The following PTPRD variants were observed in gnomAD, a reference collection of about 807,000 sequenced individuals.
The protein encoded by PTPRD is receptor-type tyrosine-protein phosphatase delta.
PTPRD carries 34 observed loss-of-function variants against 214.5 expected under a neutral mutation model. That is an observed-to-expected ratio of 0.16 (90% CI 0.12 to 0.21). The LOEUF (loss-of-function observed/expected upper bound fraction) is 0.21. PTPRD is among the 10% of genes least tolerant of loss of function. PTPRD has a pLI of 1.00. For missense variants in PTPRD, 2,545 were observed against 2,398.7 expected, an observed-to-expected ratio of 1.06 and a Z score of -1.27; for synonymous variants, 1,128 against 845.7, an observed-to-expected ratio of 1.33 and a Z score of -5.79.
At chr9:9,016,845 A>G (rs1019091536) in intron 11 of PTPRD, among the ~76,000 whole-genome samples, 4 of 152,098 alleles carry the variant, frequency 2.6e-5, no homozygotes, top group Non-Finnish European at 4.4e-5. Flanking sequence ...TACCGTAGCA[A>G]TCCTGTCACT....
intron 7 of PTPRD, among the ~76,000 whole-genome samples, chr9:9,673,082 A>G (rs559628562): frequency 2.0e-5 from 3 of 152,032 alleles, no homozygotes; most frequent in Non-Finnish European, 2.9e-5. Flanking sequence ...GGGACACTTC[A>G]CTAGGCTGAC....
chr9:10,582,527 G>C (rs1489155238), intron 2 of PTPRD, among the ~76,000 whole-genome samples: 1 of 151,884 alleles, frequency 6.6e-6, no homozygotes, highest in African/African-American at 2.4e-5. Context: ...TTTTCATTTA[G>C]CAAAAGCACA....
chr9:9,657,371 A>AT (rs1389013859), intron 7 of PTPRD, among the ~76,000 whole-genome samples: 1 of 152,142 alleles, frequency 6.6e-6, no homozygotes, highest in Non-Finnish European at 1.5e-5. Flanking sequence ...CAAACACCAC[A>AT]TATTCTCACT....
At chr9:9,300,010 A>G (rs781533351) in intron 9 of PTPRD, among the ~76,000 whole-genome samples, 3 of 149,376 alleles carry the variant, frequency 2.0e-5, no homozygotes, top group Non-Finnish European at 4.5e-5. Context: ...AAAGTTTGTT[A>G]CTGACACACA....
At chr9:8,570,634 G>C (rs772703354) in intron 14 of PTPRD, among the ~76,000 whole-genome samples, 7 of 152,034 alleles carry the variant, frequency 4.6e-5, no homozygotes, top group African/African-American at 1.7e-4. Flanking sequence ...GTGGCTATTT[G>C]TCAAAACTTA....
chr9:9,259,977 G>C (rs892243442), intron 9 of PTPRD, among the ~76,000 whole-genome samples: 10 of 151,906 alleles, frequency 6.6e-5, no homozygotes, highest in African/African-American at 9.7e-5. Flanking sequence ...TGAAAGGCGA[G>C]TAGGCCTCAA....
chr9:8,819,845 A>G (rs1313799372), intron 11 of PTPRD, among the ~76,000 whole-genome samples: 1 of 152,298 alleles, frequency 6.6e-6, no homozygotes, highest in East Asian at 1.9e-4. Context: ...ATCAGAGAGC[A>G]CAAAACGAGC....
intron 12 of PTPRD, among the ~76,000 whole-genome samples, chr9:8,708,375 T>C (rs1222150855): frequency 9.9e-5 from 15 of 151,840 alleles, no homozygotes; most frequent in Admixed American, 9.8e-4. Flanking sequence ...TCCTTAAATA[T>C]GAAAAATGAA....
At chr9:8,780,775 G>C (rs1008731773) in intron 11 of PTPRD, among the ~76,000 whole-genome samples, 2 of 152,100 alleles carry the variant, frequency 1.3e-5, no homozygotes, top group Non-Finnish European at 2.9e-5. Flanking sequence ...AAACAAATAA[G>C]TCATCCTTAA....
At chr9:10,418,993 T>A (rs2098520961) in intron 2 of PTPRD, among the ~76,000 whole-genome samples, 1 of 151,828 alleles carries the variant, frequency 6.6e-6, no homozygotes, top group Admixed American at 6.6e-5. Context: ...CAACTCTCAT[T>A]ACACTGGGCA....
chr9:10,376,243 GT>G (rs537639467), intron 2 of PTPRD, among the ~76,000 whole-genome samples: 15 of 149,862 alleles, frequency 1.0e-4, no homozygotes, highest in Admixed American at 8.7e-4. Context: ...TATGCTACCT[GT>G]TTTTTTTTCT....
intron 10 of PTPRD, among the ~76,000 whole-genome samples, chr9:9,072,411 C>A (rs1380648670): frequency 6.6e-6 from 1 of 151,816 alleles, no homozygotes; most frequent in Admixed American, 6.6e-5. Flanking sequence ...CATTTGGAAG[C>A]CAATGTTGTA....
At chr9:8,324,216 C>T (rs1194358161) in intron 44 of PTPRD, among the ~76,000 whole-genome samples, 3 of 151,840 alleles carry the variant, frequency 2.0e-5, no homozygotes, top group Non-Finnish European at 2.9e-5. Context: ...CCATCATCTA[C>T]ATTAGGTATA....
intron 7 of PTPRD, among the ~76,000 whole-genome samples, chr9:9,666,635 C>T (rs1251916767): frequency 6.6e-6 from 1 of 151,902 alleles, no homozygotes; most frequent in Non-Finnish European, 1.5e-5. Flanking sequence ...TCGATTCAAT[C>T]TCTATGTCTT....
At chr9:9,448,630 C>G (rs1372372538) in intron 8 of PTPRD, among the ~76,000 whole-genome samples, 1 of 152,000 alleles carries the variant, frequency 6.6e-6, no homozygotes, top group Admixed American at 6.6e-5. Flanking sequence ...GATAAGCATT[C>G]ACTGGATGCC....
At chr9:9,754,805 T>C (rs1185773672) in intron 6 of PTPRD, among the ~76,000 whole-genome samples, 1 of 152,032 alleles carries the variant, frequency 6.6e-6, no homozygotes, top group Non-Finnish European at 1.5e-5. Flanking sequence ...ATGTGATTGG[T>C]ATGCTGAATA....
intron 9 of PTPRD, among the ~76,000 whole-genome samples, chr9:9,326,284 C>A (rs1218285043): frequency 6.6e-6 from 1 of 151,988 alleles, no homozygotes; most frequent in Non-Finnish European, 1.5e-5. Flanking sequence ...AATGATAATT[C>A]ATGTGGATAA....
chr9:9,359,813 G>A (rs540526432), intron 9 of PTPRD, among the ~76,000 whole-genome samples: 3 of 151,294 alleles, frequency 2.0e-5, no homozygotes, highest in South Asian at 2.1e-4. Context: ...GCAGGTGTAC[G>A]GAGTGCCTGC....
chr9:8,584,309 T>C (rs1323941462), intron 14 of PTPRD, among the ~76,000 whole-genome samples: 1 of 152,152 alleles, frequency 6.6e-6, no homozygotes, highest in Non-Finnish European at 1.5e-5. Flanking sequence ...TATCTATAAA[T>C]ACGATGTCTT....
Sources: allele counts gnomAD v4.1 joint callset (sites outside exome capture counted in the v4.1 genomes callset), GRCh38; gene constraint gnomAD v4.1.1; transcripts MANE v1.5; gene names NCBI Gene and HGNC (gene_info 2026-07-23, HGNC 2026-07-21).